ME1: variants seen among roughly 807,000 people sequenced by gnomAD.
The protein encoded by ME1 is malic enzyme 1, also known as NADP-dependent malic enzyme.
In ME1, 74 loss-of-function variants were observed where a neutral mutation model predicts 66.4. The ratio of observed to expected loss-of-function variants is 1.11; its 90% CI spans 0.92 to 1.35. The LOEUF (loss-of-function observed/expected upper bound fraction) is 1.35. Among genes scored for constraint, ME1 ranks in the 40% most tolerant of loss-of-function variants. ME1 has a pLI of 0.00. For synonymous variants in ME1, 251 were observed against 235.6 expected (o/e 1.07, Z -0.60); for missense variants, 750 against 694.1 (o/e 1.08, Z -0.90).
At chr6:83,221,987 A>AT (rs557824933) in intron 12 of ME1, among the ~76,000 whole-genome samples, 30 of 150,088 alleles carry the variant, frequency 2.0e-4, no homozygotes, top group East Asian at 1.4e-3. Context: ...ACAACACCAC[A>AT]TTTTTTTTTT....
intron 2 of ME1, 42 bp downstream of exon 2, chr6:83,407,726 T>C (rs1418357099): frequency 3.3e-6 from 5 of 1,502,714 alleles, no homozygotes; most frequent in East Asian, 2.4e-5. Context: ...ACTAGACAAC[T>C]GCATAAGAGA....
At chr6:83,360,786 C>A (rs550030331) in intron 3 of ME1, among the ~76,000 whole-genome samples, 63 of 152,326 alleles carry the variant, frequency 4.1e-4, no homozygotes, top group African/African-American at 1.4e-3. Flanking sequence ...TAGAGAATGA[C>A]AGTAGATTAT....
At chr6:83,351,993 T>C in intron 4 of ME1, 71 bp downstream of exon 4, 2 of 846,198 alleles carry the variant, frequency 2.4e-6, no homozygotes, top group East Asian at 2.7e-5. Context: ...GAATTGTCAG[T>C]ATATTTTAAA....
rs1023888103 is a variant in ME1, at chr6:83,250,342, GA to G, written c.814+3286del. On this transcript the variant is annotated intron_variant, in intron 7 of 13. Coordinates refer to ENST00000369705, the MANE Select transcript of ME1 (RefSeq NM_002395.6). Reference sequence around the variant, plus strand: ...CAAACTTCTGATCTATTGTTTCAAAGAAAAAAAATAGAAGCTGTTATATAAC... The same window carrying G: ...CAAACTTCTGATCTATTGTTTCAAAGAAAAAAATAGAAGCTGTTATATAAC... Among the ~76,000 whole-genome samples, 76 of 150,806 alleles carry G rather than the reference GA, an allele frequency of 5.0e-4. 1 individual carries two copies. Among genetic ancestry groups the G allele is most frequent in the African/African-American group, 1.7e-3 (70 of 41,014 alleles).
At chr6:83,413,975 G>T (rs981409385) in intron 1 of ME1, among the ~76,000 whole-genome samples, 1 of 151,822 alleles carries the variant, frequency 6.6e-6, no homozygotes, top group Non-Finnish European at 1.5e-5. Flanking sequence ...GCCAGGTATG[G>T]TGGTGCATGC....
At chr6:83,256,705 G>T (rs1766778851) in intron 6 of ME1, among the ~76,000 whole-genome samples, 1 of 152,052 alleles carries the variant, frequency 6.6e-6, no homozygotes, top group East Asian at 1.9e-4. Context: ...ATACCCAAAG[G>T]ATTATAAACC....
intron 6 of ME1, among the ~76,000 whole-genome samples, chr6:83,291,276 T>C (rs1274248769): frequency 2.0e-5 from 3 of 152,230 alleles, no homozygotes; most frequent in Admixed American, 2.0e-4. Context: ...CCTATCCATG[T>C]TTAGTGCTTC....
chr6:83,396,960 T>C (rs967577539), intron 3 of ME1, among the ~76,000 whole-genome samples: 6 of 152,122 alleles, frequency 3.9e-5, no homozygotes, highest in Non-Finnish European at 8.8e-5. Flanking sequence ...ATTAGACCCT[T>C]ATTTCACACC....
At chr6:83,384,275 T>C (rs548806828) in intron 3 of ME1, among the ~76,000 whole-genome samples, 2 of 152,070 alleles carry the variant, frequency 1.3e-5, no homozygotes, top group African/African-American at 4.8e-5. Flanking sequence ...CTAAAATAAT[T>C]TACATTCCCA....
chr6:83,325,244 C>A (rs1021331678), intron 5 of ME1, among the ~76,000 whole-genome samples: 1 of 152,064 alleles, frequency 6.6e-6, no homozygotes, highest in Admixed American at 6.6e-5. Flanking sequence ...TATGCTAAAC[C>A]CACAGCCAAT....
intron 5 of ME1, among the ~76,000 whole-genome samples, chr6:83,334,288 T>C (rs1486714886): frequency 7.6e-6 from 1 of 131,036 alleles, no homozygotes; most frequent in Non-Finnish European, 1.6e-5. Flanking sequence ...CACGAGACTA[T>C]ATCCCACACC....
rs200074503 is a variant in ME1 at position 83,325,948 on chromosome 6, C to A, written c.601-10535G>T. ...AAAAAACACAAAAAAACGAAGCAAA[C>A]AAAAAAAAAAAAAAACAAAGCTGGA... On this transcript the variant is annotated intron_variant, in intron 5 of 13. Coordinates refer to ENST00000369705, the MANE Select transcript of ME1 (RefSeq NM_002395.6). 7.3e-3 allele frequency among the ~76,000 whole-genome samples: 878 copies of A among 120,596 alleles called. 5 individuals carry two copies. The highest frequency in any genetic ancestry group is 0.021 in the African/African-American group (674 of 31,662). The allele number at this position is 120,596 out of a possible 152,430, so 79.1% of individuals were successfully genotyped here.
At chr6:83,372,198 T>C (rs1769202991) in intron 3 of ME1, among the ~76,000 whole-genome samples, 1 of 152,176 alleles carries the variant, frequency 6.6e-6, no homozygotes, top group Non-Finnish European at 1.5e-5. Flanking sequence ...GTCTTCTCCT[T>C]AATTTCAGAC....
chr6:83,319,068 C>T (rs1768098200), intron 5 of ME1, among the ~76,000 whole-genome samples: 1 of 150,672 alleles, frequency 6.6e-6, no homozygotes, highest in Non-Finnish European at 1.5e-5. Flanking sequence ...AAACCAAACA[C>T]CGCATGTTCT....
intron 5 of ME1, among the ~76,000 whole-genome samples, chr6:83,319,125 G>A (rs1338957249): frequency 6.7e-6 from 1 of 150,066 alleles, no homozygotes; most frequent in Non-Finnish European, 1.5e-5. Context: ...GACACAGGAA[G>A]GGGAACATCA....
intron 1 of ME1, among the ~76,000 whole-genome samples, chr6:83,429,660 C>T (rs1770443979): frequency 6.6e-6 from 1 of 152,198 alleles, no homozygotes; most frequent in Admixed American, 6.5e-5. Context: ...AGATAGCACA[C>T]AGTCATAGAT....
rs758529492 is a variant in ME1, at chr6:83,430,996, C to A, written c.-42G>T. 4 of 1,331,402 alleles carry A rather than the reference C, an allele frequency of 3.0e-6. No homozygotes were observed. The African/African-American group carries it at 4.7e-5, about 16-fold the overall frequency. The allele number at this position is 1,331,402 out of a possible 1,614,324, so 82.5% of individuals were successfully genotyped here. On this transcript the variant is annotated 5_prime_UTR_variant, in exon 1 of 14. Transcript: ENST00000369705. ...GGCGGCGGGGTCAGGCCGGGGCGGG[C>A]CGCACGCGCGGTGCAGGCGGCGGAT...
At chr6:83,298,906 T>C (rs1171446015) in intron 6 of ME1, among the ~76,000 whole-genome samples, 3 of 147,922 alleles carry the variant, frequency 2.0e-5, no homozygotes, top group African/African-American at 7.4e-5. Context: ...GAGATCTCTA[T>C]GCTGTTCCAT....
chr6:83,285,010 T>C (rs1437100451), intron 6 of ME1, among the ~76,000 whole-genome samples: 1 of 152,232 alleles, frequency 6.6e-6, no homozygotes, highest in African/African-American at 2.4e-5. Flanking sequence ...CCATTGTGAA[T>C]AGCACTGTGA....
Sources: gnomAD v4.1 joint callset for allele counts (sites outside exome capture counted in the v4.1 genomes callset) on GRCh38, gnomAD v4.1.1 for gene constraint, MANE v1.5 for transcripts, NCBI Gene and HGNC (gene_info 2026-07-23, HGNC 2026-07-21) for gene names.